The following ROBO1 variants were observed in gnomAD, a reference collection of about 807,000 sequenced individuals.
ROBO1 encodes roundabout homolog 1.
ROBO1 carries 149 observed loss-of-function variants against 195.9 expected under a neutral mutation model. That is an observed-to-expected ratio of 0.76 (90% CI 0.67 to 0.87). ROBO1 has a LOEUF of 0.87. Among genes scored for constraint, ROBO1 ranks in the 40% least tolerant of loss-of-function variants. ROBO1 has a pLI of 0.00. For missense variants in ROBO1, 1,933 were observed against 2,068.3 expected, an observed-to-expected ratio of 0.93 and a Z score of 1.27; for synonymous variants, 816 against 733.2, an observed-to-expected ratio of 1.11 and a Z score of -1.82.
At chr3:79,415,740 A>G (rs2037973753) in intron 2 of ROBO1, among the ~76,000 whole-genome samples, 1 of 152,188 alleles carries the variant, frequency 6.6e-6, no homozygotes, top group Non-Finnish European at 1.5e-5. Flanking sequence ...TTAGAAGACC[A>G]TCTGATTATT....
chr3:79,629,512 A>C (rs1328688013), intron 1 of ROBO1, among the ~76,000 whole-genome samples: 1 of 152,082 alleles, frequency 6.6e-6, no homozygotes, highest in Non-Finnish European at 1.5e-5. Context: ...AGGAGGGTTT[A>C]TAGCATTAAA....
At chr3:78,941,569 A>G (rs917257450) in intron 3 of ROBO1, among the ~76,000 whole-genome samples, 1 of 152,218 alleles carries the variant, frequency 6.6e-6, no homozygotes. Flanking sequence ...TGTTATGAGG[A>G]TACAAAGAAG....
At chr3:79,670,652 C>G (rs987643724) in intron 1 of ROBO1, among the ~76,000 whole-genome samples, 11 of 151,744 alleles carry the variant, frequency 7.2e-5, no homozygotes, top group African/African-American at 2.7e-4. Flanking sequence ...ATAACGTTAA[C>G]TTTTAGGTAA....
chr3:79,533,116 G>A (rs745518898), intron 2 of ROBO1: 9 of 433,016 alleles, frequency 2.1e-5, no homozygotes, highest in South Asian at 1.3e-4. Context: ...AGCCCTGGAG[G>A]GAGAATAGGG....
intron 3 of ROBO1, among the ~76,000 whole-genome samples, chr3:79,000,324 T>C (rs1430995079): frequency 6.6e-6 from 1 of 152,124 alleles, no homozygotes; most frequent in African/African-American, 2.4e-5. Context: ...GTAGTAGACC[T>C]TTGTCAGATG....
intron 3 of ROBO1, among the ~76,000 whole-genome samples, chr3:79,080,717 T>C (rs978914815): frequency 7.2e-5 from 11 of 152,126 alleles, no homozygotes; most frequent in African/African-American, 2.7e-4. Flanking sequence ...CTCTAATTCA[T>C]GCAGCCTTCA....
At chr3:79,730,006 G>T (rs1703079392) in intron 1 of ROBO1, among the ~76,000 whole-genome samples, 1 of 152,124 alleles carries the variant, frequency 6.6e-6, no homozygotes, top group African/African-American at 2.4e-5. Flanking sequence ...AAATTCATTA[G>T]AGAGATAATT....
At chr3:79,594,814 C>T (rs541047631) in intron 1 of ROBO1, among the ~76,000 whole-genome samples, 10 of 152,050 alleles carry the variant, frequency 6.6e-5, no homozygotes, top group African/African-American at 9.6e-5. Flanking sequence ...AAATAGCATC[C>T]GGTGAAATTC....
At chr3:78,775,580 G>A (rs1050635408) in intron 4 of ROBO1, among the ~76,000 whole-genome samples, 1 of 152,132 alleles carries the variant, frequency 6.6e-6, no homozygotes, top group Non-Finnish European at 1.5e-5. Context: ...AGAAGAAGAA[G>A]CAATGACACC....
chr3:79,107,125 TCTCA>T lies in ROBO1; in HGVS notation c.172+18327_172+18330del, dbSNP rs769075980. 2.7e-3 allele frequency among the ~76,000 whole-genome samples: 370 copies of T among 136,462 alleles called. 1 individual carries two copies. Among genetic ancestry groups the T allele is most frequent in the Middle Eastern group, 0.011 (3 of 276 alleles). 89.5% of individuals were successfully genotyped at this position (136,462 alleles called of 152,430 possible). On this transcript the variant is annotated intron_variant, in intron 3 of 30. Coordinates refer to ENST00000464233, the MANE Select transcript of ROBO1 (RefSeq NM_002941.4). ...CTCTCTTTCTCTCTCTCTCTCTCTCTCTCACACACACACACACACACACACACAC... is the reference window on the plus strand; with the variant it reads ...CTCTCTTTCTCTCTCTCTCTCTCTCTCACACACACACACACACACACACAC...
At chr3:79,068,541 A>T (rs2079038452) in intron 3 of ROBO1, among the ~76,000 whole-genome samples, 1 of 151,864 alleles carries the variant, frequency 6.6e-6, no homozygotes, top group Non-Finnish European at 1.5e-5. Flanking sequence ...CCTGAAAAAA[A>T]TCTATAATCT....
intron 2 of ROBO1, among the ~76,000 whole-genome samples, chr3:79,517,248 C>T (rs2107563390): frequency 6.6e-6 from 1 of 152,282 alleles, no homozygotes; most frequent in South Asian, 2.1e-4. Context: ...TCCATTATGC[C>T]ATAGTTAATG....
chr3:79,765,702 C>T (rs115299685), intron 1 of ROBO1, among the ~76,000 whole-genome samples: 108 of 152,190 alleles, frequency 7.1e-4, no homozygotes, highest in Middle Eastern at 3.4e-3. Context: ...AAAGGAGGCA[C>T]ATGGAAAGCG....
chr3:79,004,081 T>C (rs1361628431), intron 3 of ROBO1, among the ~76,000 whole-genome samples: 3 of 152,178 alleles, frequency 2.0e-5, no homozygotes, highest in African/African-American at 7.2e-5. Flanking sequence ...TCCAAAGTCC[T>C]TAGCAACCTA....
intron 2 of ROBO1, among the ~76,000 whole-genome samples, chr3:79,334,148 T>C (rs908919917): frequency 6.6e-6 from 1 of 151,322 alleles, no homozygotes; most frequent in East Asian, 2.0e-4. Context: ...CTACTAAAAA[T>C]TAAAAAATTA....
chr3:79,423,675 T>A (rs748222483), intron 2 of ROBO1, among the ~76,000 whole-genome samples: 1 of 152,100 alleles, frequency 6.6e-6, no homozygotes, highest in East Asian at 1.9e-4. Context: ...TAAGTCAGCA[T>A]ACCAGTACTA....
intron 2 of ROBO1, among the ~76,000 whole-genome samples, chr3:79,127,594 T>C (rs1163334981): frequency 2.0e-5 from 3 of 152,176 alleles, no homozygotes; most frequent in Non-Finnish European, 4.4e-5. Flanking sequence ...AAATCCACAA[T>C]ATAAATTAAA....
intron 2 of ROBO1, among the ~76,000 whole-genome samples, chr3:79,505,014 A>G (rs1940312058): frequency 7.2e-6 from 1 of 138,796 alleles, no homozygotes; most frequent in South Asian, 2.4e-4. Context: ...TATAGATGCT[A>G]AGAATACCTC....
chr3:78,676,077 G>A (rs1441995323), intron 10 of ROBO1, among the ~76,000 whole-genome samples: 2 of 152,122 alleles, frequency 1.3e-5, no homozygotes, highest in Non-Finnish European at 2.9e-5. Context: ...GTCTGGAGTG[G>A]ACCTCTAGCA....
Sources: allele counts gnomAD v4.1 joint callset (sites outside exome capture counted in the v4.1 genomes callset), GRCh38; gene constraint gnomAD v4.1.1; transcripts MANE v1.5; gene names NCBI Gene and HGNC (gene_info 2026-07-23, HGNC 2026-07-21).